Variants in ABCG8 observed in about 807,000 individuals in gnomAD.
ABCG8 encodes ATP-binding cassette sub-family G member 8.
ABCG8 carries 81 observed loss-of-function variants against 71.3 expected under a neutral mutation model. The observed-to-expected ratio is 1.14, with a 90% CI of 0.95 to 1.37. The LOEUF is 1.37. Among genes scored for constraint, ABCG8 ranks in the 40% most tolerant of loss-of-function variants. The pLI is 0.00. For synonymous variants in ABCG8, 451 were observed against 354.7 expected, an observed-to-expected ratio of 1.27 and a Z score of -3.05; for missense variants, 1,119 against 866.2, an observed-to-expected ratio of 1.29 and a Z score of -3.66.
At chr2:43,846,721 C>T (rs924406092) in intron 3 of ABCG8, 6 of 292,536 alleles carry the variant, frequency 2.1e-5, no homozygotes, top group African/African-American at 1.1e-4. Flanking sequence ...CACACTCTCA[C>T]CTCTCAGACA....
At chr2:43,872,965 TAC>T (rs143452112) in intron 8 of ABCG8, among the ~76,000 whole-genome samples, 8,120 of 152,124 alleles carry the variant, frequency 0.053, 268 homozygotes, top group Middle Eastern at 0.11. Flanking sequence ...TTTCCATGCA[TAC>T]ACACATTTGT....
chr2:43,844,689 G>A (rs1224627834), intron 2 of ABCG8, 81 bp downstream of exon 2: 14 of 1,156,330 alleles, frequency 1.2e-5, no homozygotes, highest in Non-Finnish European at 1.4e-5. Context: ...AAAAGGGTGG[G>A]CCCAACTTGC....
chr2:43,867,513 A>G (rs114818032), intron 6 of ABCG8, among the ~76,000 whole-genome samples: 7,934 of 151,838 alleles, frequency 0.052, 250 homozygotes, highest in Middle Eastern at 0.11. Context: ...AACTGTCACT[A>G]TCTGGATAGA....
chr2:43,854,472 A>G (rs1339535225), intron 6 of ABCG8, among the ~76,000 whole-genome samples: 1 of 152,052 alleles, frequency 6.6e-6, no homozygotes, highest in Non-Finnish European at 1.5e-5. Context: ...TAATAAAAAT[A>G]TATGAATTAG....
At chr2:43,844,365 T>C in intron 1 of ABCG8, 142 bp from the exon 2 acceptor site, 1 of 694,390 alleles carries the variant, frequency 1.4e-6, no homozygotes, top group Non-Finnish European at 2.6e-6. Context: ...AGGTTCCACC[T>C]GTGCAATCCC....
intron 6 of ABCG8, among the ~76,000 whole-genome samples, chr2:43,866,636 C>G (rs1669540917): frequency 6.6e-6 from 1 of 152,020 alleles, no homozygotes; most frequent in African/African-American, 2.4e-5. Flanking sequence ...CAAATCAAAA[C>G]CACAATGAGA....
At chr2:43,855,328 C>T (rs977625298) in intron 6 of ABCG8, among the ~76,000 whole-genome samples, 8 of 152,012 alleles carry the variant, frequency 5.3e-5, no homozygotes, top group African/African-American at 1.9e-4. Context: ...CTGGATAGAA[C>T]TCTCACTATC....
chr2:43,861,152 C>A (rs565682219), intron 6 of ABCG8, among the ~76,000 whole-genome samples: 1 of 151,242 alleles, frequency 6.6e-6, no homozygotes, highest in African/African-American at 2.4e-5. Context: ...ATAGAGCTCT[C>A]GCTATCTGTC....
At chr2:43,873,183 G>A (rs1028491970) in intron 8 of ABCG8, among the ~76,000 whole-genome samples, 1 of 148,246 alleles carries the variant, frequency 6.7e-6, no homozygotes, top group African/African-American at 2.5e-5. Flanking sequence ...ACATCATTGA[G>A]CGTACATTTT....
At chr2:43,873,339 C>T (rs763363441) in intron 8 of ABCG8, among the ~76,000 whole-genome samples, 1 of 151,940 alleles carries the variant, frequency 6.6e-6, no homozygotes, top group Non-Finnish European at 1.5e-5. Flanking sequence ...CAGGTGTGTG[C>T]CACCACTCCT....
intron 6 of ABCG8, among the ~76,000 whole-genome samples, chr2:43,867,123 A>G (rs1360553107): frequency 6.7e-6 from 1 of 148,884 alleles, no homozygotes; most frequent in African/African-American, 2.5e-5. Context: ...GCATGTTCTC[A>G]CTCATAGGTG....
At chr2:43,851,935 A>G (rs1187053777) in intron 4 of ABCG8, 113 bp downstream of exon 4, 3 of 1,247,620 alleles carry the variant, frequency 2.4e-6, no homozygotes, top group Non-Finnish European at 3.5e-6. Context: ...AGTTTGAACA[A>G]CTCAGCTTGC....
At chr2:43,846,533 G>A (rs561690401) in intron 3 of ABCG8, 19 of 604,602 alleles carry the variant, frequency 3.1e-5, no homozygotes, top group African/African-American at 2.2e-4. Flanking sequence ...TCATGAGTGC[G>A]CCTCTTGTCC....
At chr2:43,861,262 C>A (rs1669307118) in intron 6 of ABCG8, among the ~76,000 whole-genome samples, 1 of 151,276 alleles carries the variant, frequency 6.6e-6, no homozygotes, top group African/African-American at 2.4e-5. Context: ...AGAACTCTTA[C>A]TACTTGGAAA....
In ABCG8 at chr2:43,877,766, G is replaced by A; in HGVS notation, c.1885-10G>A. On this transcript the variant is annotated splice_polypyrimidine_tract_variant and intron_variant, in intron 12 of 12. Coordinates refer to ENST00000272286, the MANE Select transcript of ABCG8 (RefSeq NM_022437.3). ...CTCCTCATGAGCCCACTGCATGTCT[G>A]TGTCTCCAGATCCTCAGTGTCATGG... 5.0e-6 allele frequency: 8 copies of A among 1,614,156 alleles called. No individual in the cohort carries two copies. Among genetic ancestry groups the A allele is most frequent in the Non-Finnish European group, 6.8e-6 (8 of 1,180,024 alleles).
In ABCG8 at chr2:43,875,495, C is replaced by T. The variant is rs4148222; in HGVS notation, c.1756+82C>T. On this transcript the variant is annotated intron_variant, in intron 11 of 12. Coordinates refer to ENST00000272286, the MANE Select transcript of ABCG8 (RefSeq NM_022437.3). Reference sequence around the variant, plus strand: ...AAGCCTGCTTTCATCTGGAGATGGACACTTATCACTTAGATCCAACTCGAG... The same window carrying T: ...AAGCCTGCTTTCATCTGGAGATGGATACTTATCACTTAGATCCAACTCGAG... The T allele has an allele frequency of 0.19, 289,138 of 1,518,338 alleles. 32,587 individuals carry two copies. The highest frequency in any genetic ancestry group is 0.46 in the East Asian group (20,328 of 44,108). 94.1% of individuals were successfully genotyped at this position (1,518,338 alleles called of 1,614,324 possible). A position where few individuals can be genotyped will look rare whatever the true frequency, so the allele number is the denominator to read the frequency against.
At chr2:43,871,350 G>A (rs1669764855) in intron 6 of ABCG8, among the ~76,000 whole-genome samples, 1 of 150,308 alleles carries the variant, frequency 6.7e-6, no homozygotes, top group Non-Finnish European at 1.5e-5. Context: ...CTCACTATCT[G>A]GATAGAATGC....
rs1219553546 is a variant in ABCG8 at position 43,880,598 on chromosome 2, T to G, written c.*2685T>G. ...AGGTTTTGGTGATAAGTATGCTCTT[T>G]GCTTGTGGAACATCTCTGCTCCCAG... is the stretch of plus-strand genomic sequence containing the variant. On this transcript the variant is annotated 3_prime_UTR_variant, in exon 13 of 13. Transcript: ENST00000272286. 6.6e-6 allele frequency: 1 copy of G among 152,056 alleles called. No individual in the cohort carries two copies. Among genetic ancestry groups the G allele is most frequent in the Non-Finnish European group, 1.5e-5 (1 of 67,996 alleles). 9.4% of individuals were successfully genotyped at this position (152,056 alleles called of 1,614,324 possible). A position where few individuals can be genotyped will look rare whatever the true frequency, so the allele number is the denominator to read the frequency against.
chr2:43,863,344 G>A (rs1669400258), intron 6 of ABCG8, among the ~76,000 whole-genome samples: 1 of 151,202 alleles, frequency 6.6e-6, no homozygotes, highest in Non-Finnish European at 1.5e-5. Flanking sequence ...TCACTATCTG[G>A]ATAGAACTCT....
Sources: gnomAD v4.1 joint callset for allele counts (sites outside exome capture counted in the v4.1 genomes callset) on GRCh38, gnomAD v4.1.1 for gene constraint, MANE v1.5 for transcripts, NCBI Gene and HGNC (gene_info 2026-07-23, HGNC 2026-07-21) for gene names.